The following MDN1 variants were observed in gnomAD, a reference collection of about 807,000 sequenced individuals.
The protein encoded by MDN1 is midasin.
A neutral mutation model predicts 669.2 loss-of-function variants in MDN1; 266 were observed. The observed-to-expected ratio is 0.40, with a 90% CI of 0.36 to 0.44. The LOEUF is 0.44. MDN1 is among the 20% of genes least tolerant of loss of function. The probability of loss-of-function intolerance (pLI) is 1.00; values close to 1 mark genes in which losing one functional copy is unlikely to be tolerated. For synonymous variants in MDN1, 2,385 were observed against 2,457.1 expected, an observed-to-expected ratio of 0.97 and a Z score of 0.87; for missense variants, 5,940 against 6,754.0, an observed-to-expected ratio of 0.88 and a Z score of 4.22.
intron 82 of MDN1, among the ~76,000 whole-genome samples, chr6:89,671,903 A>G (rs995445173): frequency 6.6e-6 from 1 of 152,248 alleles, no homozygotes; most frequent in African/African-American, 2.4e-5. Context: ...AACATCGTCT[A>G]TCAGTAACAT....
In MDN1 at chr6:89,662,243, A is replaced by G. The variant is rs1194678288; in HGVS notation, c.14413-4T>C. The G allele has an allele frequency of 8.1e-6, 13 of 1,604,608 alleles. No homozygotes were observed. The highest frequency in any genetic ancestry group is 1.0e-5 in the Non-Finnish European group (12 of 1,177,680). Reference sequence around the variant, plus strand: ...TAGCAACAAGTTCAGAATCTTCCTAAATGTCAGAGGAAGAAAAAACAATCA... The same window carrying G: ...TAGCAACAAGTTCAGAATCTTCCTAGATGTCAGAGGAAGAAAAAACAATCA... On this transcript the variant is annotated splice_region_variant and splice_polypyrimidine_tract_variant and intron_variant, in intron 86 of 101. Transcript: ENST00000369393.
chr6:89,812,881 T>G (rs1366762698), intron 1 of MDN1, among the ~76,000 whole-genome samples: 1 of 152,108 alleles, frequency 6.6e-6, no homozygotes, highest in Non-Finnish European at 1.5e-5. Context: ...GGAGGATAGC[T>G]TGAGCCCAAG....
chr6:89,743,881 G>A lies in MDN1; in HGVS notation c.4179-167C>T, dbSNP rs147229935. On this transcript the variant is annotated intron_variant, in intron 29 of 101. Coordinates refer to ENST00000369393, the MANE Select transcript of MDN1 (RefSeq NM_014611.3). ...CCAGGCTCATGGCACCCCTCTACAC[G>A]ACTGCACTCTCCCATATTCTTATCC... Among the ~76,000 whole-genome samples, 584 of 151,804 alleles carry A rather than the reference G, an allele frequency of 3.8e-3. 3 individuals carry two copies. The highest frequency in any genetic ancestry group is 0.013 in the African/African-American group (553 of 41,386).
chr6:89,713,439 T>C (rs1814098089), intron 46 of MDN1, 143 bp from the exon 47 acceptor site: 1 of 728,548 alleles, frequency 1.4e-6, no homozygotes, highest in Admixed American at 2.8e-5. Context: ...AAGTAGACTC[T>C]AGAGTCCTCC....
At chr6:89,792,147 C>T (rs1280282998) in intron 5 of MDN1, among the ~76,000 whole-genome samples, 10 of 152,144 alleles carry the variant, frequency 6.6e-5, no homozygotes, top group Non-Finnish European at 1.3e-4. Context: ...GGATTACAAG[C>T]GTGAGCCACT....
chr6:89,777,214 AT>A (rs1818399900), intron 11 of MDN1, among the ~76,000 whole-genome samples: 1 of 152,228 alleles, frequency 6.6e-6, no homozygotes, highest in South Asian at 2.1e-4. Flanking sequence ...TGTACCCCAA[AT>A]ATGTTAAACT....
intron 97 of MDN1, among the ~76,000 whole-genome samples, chr6:89,648,823 A>AC (rs1554164686): frequency 2.0e-5 from 3 of 151,100 alleles, no homozygotes; most frequent in African/African-American, 7.3e-5. Flanking sequence ...CAAAAAAAAA[A>AC]AAAAAAACAA....
In MDN1 at chr6:89,661,478, C is replaced by G. The variant is rs542823776; in HGVS notation, c.14666G>C (p.Ser4889Thr). Residue 4889 changes from serine to threonine, a missense_variant, in exon 88 of 102, where the codon AGT becomes ACT. Physicochemically the swap from Ser to Thr is moderately conservative, Grantham distance 58. Around this residue, in one of 5 missense-constraint regions of MDN1, gnomAD observed 2,280 missense variants for 2,576.3 expected, o/e 0.88. Coordinates refer to ENST00000369393, the MANE Select transcript of MDN1 (RefSeq NM_014611.3). The stretch of plus-strand genomic sequence containing the variant: ...GTCCTCACCACCATTCTTGTCTTCA[C>G]TGTCGAGGTTCAAGTCATCTGGAAG... The part of the protein sequence containing the change: ...LDLPDDLNLD[S>T]EDKNGGEDTD... The G allele has an allele frequency of 6.2e-7, 1 of 1,614,172 alleles. No homozygotes were observed. Among genetic ancestry groups the G allele is most frequent in the South Asian group, 1.1e-5 (1 of 91,086 alleles).
chr6:89,726,056 A>G (rs535186233), intron 37 of MDN1, among the ~76,000 whole-genome samples: 156 of 152,268 alleles, frequency 1.0e-3, no homozygotes, highest in African/African-American at 3.6e-3. Context: ...CAAAAGTTAA[A>G]CTGTATCCAT....
chr6:89,718,158 C>A (rs1268368240), intron 43 of MDN1, among the ~76,000 whole-genome samples: 1 of 152,158 alleles, frequency 6.6e-6, no homozygotes, highest in Non-Finnish European at 1.5e-5. Flanking sequence ...AGCAACGTAA[C>A]CAATTTTTTT....
At chr6:89,780,523 T>C (rs1431844326) in intron 10 of MDN1, among the ~76,000 whole-genome samples, 1 of 151,956 alleles carries the variant, frequency 6.6e-6, no homozygotes, top group Non-Finnish European at 1.5e-5. Flanking sequence ...GAGTTCCCAA[T>C]CTTCACCCAT....
intron 15 of MDN1, among the ~76,000 whole-genome samples, chr6:89,764,904 C>A (rs1431230152): frequency 6.6e-6 from 1 of 152,142 alleles, no homozygotes; most frequent in Admixed American, 6.5e-5. Flanking sequence ...AGTGGAGGAA[C>A]CTGAGGAAGA....
At chr6:89,818,621 C>T (rs1769011132) in intron 1 of MDN1, among the ~76,000 whole-genome samples, 1 of 151,842 alleles carries the variant, frequency 6.6e-6, no homozygotes, top group African/African-American at 2.4e-5. Flanking sequence ...ACCATCCTGG[C>T]CAACATGGTG....
intron 57 of MDN1, 151 bp downstream of exon 57, chr6:89,699,912 A>G (rs1412236673): frequency 3.7e-6 from 4 of 1,069,576 alleles, no homozygotes; most frequent in Non-Finnish European, 5.3e-6. Flanking sequence ...AAAAACCTTC[A>G]ATAAATTTTG....
In MDN1 at chr6:89,723,584, C is replaced by G; in HGVS notation, c.5706G>C (p.Glu1902Asp). 6.2e-7 allele frequency: 1 copy of G among 1,600,068 alleles called. No individual in the cohort carries two copies. The highest frequency in any genetic ancestry group is 8.5e-7 in the Non-Finnish European group (1 of 1,172,316). ...CTGGAAACAAAGTACTGGCAATGAA[C>G]TCCATGTCAATTACTGTAAGGGGAT... ...FVDPLTVIDM[E>D]FIASTLFPAI... Residue 1902 changes from glutamate to aspartate, a missense_variant, in exon 39 of 102, where the codon GAG becomes GAC. Glu to Asp is a conservative substitution (Grantham distance 45, BLOSUM62 2). This residue lies in a region of MDN1 where 2,292 missense variants were observed against 2,638.3 expected (regional missense o/e 0.87). Coordinates refer to ENST00000369393, the MANE Select transcript of MDN1 (RefSeq NM_014611.3).
At chr6:89,658,980 T>C in intron 88 of MDN1, 63 bp from the exon 89 acceptor site, 2 of 1,454,482 alleles carry the variant, frequency 1.4e-6, no homozygotes, top group Non-Finnish European at 1.9e-6. Context: ...TTTCTTAAGC[T>C]GGGAGCTACT....
chr6:89,753,472 C>T, intron 22 of MDN1, 40 bp downstream of exon 22: 3 of 1,465,444 alleles, frequency 2.0e-6, no homozygotes, highest in Non-Finnish European at 2.8e-6. Flanking sequence ...GTAATTCAGC[C>T]TTTCAAGTGT....
chr6:89,803,091 T>C (rs543761687), intron 2 of MDN1, among the ~76,000 whole-genome samples: 3 of 152,346 alleles, frequency 2.0e-5, no homozygotes, highest in African/African-American at 4.8e-5. Context: ...GGACATATCC[T>C]GGCCATCTTT....
chr6:89,750,524 G>A lies in MDN1; in HGVS notation c.3236C>T (p.Pro1079Leu). The change falls in exon 24 of 102, where the codon CCA becomes CTA. Residue 1079 changes from proline to leucine, a missense_variant. By Grantham distance (98) the Pro-to-Leu change is moderately conservative. This residue lies in a region of MDN1 where 15 missense variants were observed against 36.2 expected (regional missense o/e 0.41). Coordinates refer to ENST00000369393, the MANE Select transcript of MDN1 (RefSeq NM_014611.3). Reference sequence around the variant, plus strand: ...TGATGTCTCTCCCTGAATCAGCACTGGATAGGTTCTGTAAAAGATTAGCCA... The same window carrying A: ...TGATGTCTCTCCCTGAATCAGCACTAGATAGGTTCTGTAAAAGATTAGCCA... ...IVRVVSAGTY[P>L]VLIQGETSVG... The A allele has an allele frequency of 6.2e-7, 1 of 1,604,698 alleles. No individual in the cohort carries two copies. The highest frequency in any genetic ancestry group is 2.2e-5 in the East Asian group (1 of 44,608).
Sources: allele counts gnomAD v4.1 joint callset (sites outside exome capture counted in the v4.1 genomes callset), GRCh38; gene constraint gnomAD v4.1.1; regional missense constraint gnomAD v4.1.1; transcripts MANE v1.5; gene names NCBI Gene and HGNC (gene_info 2026-07-23, HGNC 2026-07-21).